ADAMTSL1: variants seen among roughly 807,000 people sequenced by gnomAD.
The protein encoded by ADAMTSL1 is ADAMTS like 1, also known as ADAMTS-like protein 1.
ADAMTSL1 carries 126 observed loss-of-function variants against 201.8 expected under a neutral mutation model. The observed-to-expected ratio is 0.62, with a 90% CI of 0.54 to 0.72. The LOEUF (loss-of-function observed/expected upper bound fraction) is 0.72, where lower values mean the gene tolerates loss of function less well. Among genes scored for constraint, ADAMTSL1 ranks in the 30% least tolerant of loss-of-function variants. The probability of loss-of-function intolerance (pLI) is 0.00; values close to 1 mark genes in which losing one functional copy is unlikely to be tolerated. For missense variants in ADAMTSL1, 2,679 were observed against 2,277.8 expected (o/e 1.18, Z -3.59); for synonymous variants, 1,121 against 903.4 (o/e 1.24, Z -4.32).
intron 1 of ADAMTSL1, among the ~76,000 whole-genome samples, chr9:18,115,209 G>A (rs1825199055): frequency 6.6e-6 from 1 of 152,040 alleles, no homozygotes; most frequent in Admixed American, 6.6e-5. Flanking sequence ...AAATCCTATT[G>A]AACATCTTTT....
At chr9:17,939,241 C>A (rs1827133522) in intron 1 of ADAMTSL1, among the ~76,000 whole-genome samples, 1 of 151,832 alleles carries the variant, frequency 6.6e-6, no homozygotes, top group Admixed American at 6.6e-5. Context: ...TAAACTATTT[C>A]TTTTAGCATG....
At chr9:18,215,294 TAAC>T (rs1236072744) in intron 2 of ADAMTSL1, among the ~76,000 whole-genome samples, 3 of 152,208 alleles carry the variant, frequency 2.0e-5, no homozygotes, top group African/African-American at 7.2e-5. Flanking sequence ...GAAAATAATC[TAAC>T]AACTATGATG....
Position 18,121,150 on chromosome 9 carries a change from G to A in ADAMTSL1, c.88-42712G>A, listed in dbSNP as rs183566087. On this transcript the variant is annotated intron_variant, in intron 1 of 29. Transcript: ENST00000680146. Reference sequence around the variant, plus strand: ...CAGTTGGCTCTAGGAAAAAGAAATCGTTTTGAAAATCATCAACTGGTATTT... The same window carrying A: ...CAGTTGGCTCTAGGAAAAAGAAATCATTTTGAAAATCATCAACTGGTATTT... Among the ~76,000 whole-genome samples the A allele has an allele frequency of 1.7e-4, 26 of 152,216 alleles. No individual in the cohort carries two copies. The East Asian group carries it at 3.3e-3, about 19-fold the overall frequency.
intron 1 of ADAMTSL1, among the ~76,000 whole-genome samples, chr9:18,484,135 G>A (rs1821869776): frequency 6.6e-6 from 1 of 152,192 alleles, no homozygotes; most frequent in Non-Finnish European, 1.5e-5. Flanking sequence ...TATATATCAG[G>A]CACTGTGCTA....
At chr9:17,935,706 A>T (rs1051870567) in intron 1 of ADAMTSL1, among the ~76,000 whole-genome samples, 6 of 152,184 alleles carry the variant, frequency 3.9e-5, no homozygotes, top group African/African-American at 1.4e-4. Flanking sequence ...TAATAGCAAT[A>T]CCTCTAGCTG....
At chr9:18,858,109 T>C (rs1009460412) in intron 23 of ADAMTSL1, among the ~76,000 whole-genome samples, 4 of 152,132 alleles carry the variant, frequency 2.6e-5, no homozygotes, top group Admixed American at 6.5e-5. Context: ...ACTAATATAA[T>C]CATTTCTATA....
intron 20 of ADAMTSL1, among the ~76,000 whole-genome samples, chr9:18,813,662 A>G (rs966831059): frequency 6.6e-5 from 10 of 152,084 alleles, no homozygotes; most frequent in African/African-American, 2.2e-4. Context: ...TTGTTTGTTG[A>G]TTTTAAATCC....
chr9:18,906,538 T>C (rs552314489), intron 27 of ADAMTSL1, among the ~76,000 whole-genome samples, 154 bp from the exon 28 acceptor site: 1 of 152,330 alleles, frequency 6.6e-6, no homozygotes, highest in East Asian at 1.9e-4. Flanking sequence ...TATGGCCTTT[T>C]AGTAACAGCA....
At chr9:18,686,514 G>C (rs1830848631) in intron 13 of ADAMTSL1, among the ~76,000 whole-genome samples, 1 of 152,166 alleles carries the variant, frequency 6.6e-6, no homozygotes, top group Admixed American at 6.5e-5. Context: ...TCTTAATCCA[G>C]TAAGGTCCTA....
chr9:18,130,249 G>C (rs1825895592), intron 1 of ADAMTSL1, among the ~76,000 whole-genome samples: 1 of 152,148 alleles, frequency 6.6e-6, no homozygotes, highest in South Asian at 2.1e-4. Flanking sequence ...AAGACAGGAA[G>C]CACCATACCT....
At chr9:18,028,719 G>A (rs895235817) in intron 1 of ADAMTSL1, among the ~76,000 whole-genome samples, 28 of 152,062 alleles carry the variant, frequency 1.8e-4, no homozygotes, top group African/African-American at 6.5e-4. Flanking sequence ...TGTTCTTTTG[G>A]CTTAGGATTG....
intron 2 of ADAMTSL1, among the ~76,000 whole-genome samples, chr9:18,421,633 A>G (rs1818954218): frequency 6.6e-6 from 1 of 152,254 alleles, no homozygotes. Flanking sequence ...AGATACCAGC[A>G]GTAGCACTGA....
At chr9:18,533,432 C>A in intron 3 of ADAMTSL1, 140 bp downstream of exon 3, 1 of 510,722 alleles carries the variant, frequency 2.0e-6, no homozygotes, top group Non-Finnish European at 3.2e-6. Context: ...TGATTATATG[C>A]AGGACTAAAA....
intron 26 of ADAMTSL1, among the ~76,000 whole-genome samples, chr9:18,893,214 A>G (rs1248927902): frequency 2.0e-5 from 3 of 152,142 alleles, no homozygotes; most frequent in African/African-American, 4.8e-5. Context: ...CCTGCTTCTC[A>G]TAGGTCACAT....
rs368727223 is a variant in ADAMTSL1 at position 17,942,816 on chromosome 9, T to C, written c.87+35894T>C. On this transcript the variant is annotated intron_variant, in intron 1 of 29. Coordinates refer to the ADAMTSL1 transcript ENST00000680146. The stretch of plus-strand genomic sequence containing the variant: ...AGGTACCTTGTAGTCTCAATAAATA[T>C]AGGATTTCTTTTTACCAACTGGTAT... Among the ~76,000 whole-genome samples the C allele has an allele frequency of 1.3e-3, 204 of 152,322 alleles. 2 individuals are homozygous for C. The highest frequency in any genetic ancestry group is 6.8e-3 in the Middle Eastern group (2 of 294).
At chr9:18,180,128 C>G (rs553694474) in intron 2 of ADAMTSL1, among the ~76,000 whole-genome samples, 58 of 152,214 alleles carry the variant, frequency 3.8e-4, no homozygotes, top group Admixed American at 1.6e-3. Flanking sequence ...ATTCAGGAAA[C>G]CCATCTCACG....
At chr9:18,133,853 G>A (rs946794999) in intron 1 of ADAMTSL1, among the ~76,000 whole-genome samples, 1 of 152,142 alleles carries the variant, frequency 6.6e-6, no homozygotes, top group African/African-American at 2.4e-5. Flanking sequence ...ACTCTAATGG[G>A]CAACTAGAAT....
At chr9:18,262,628 T>C (rs1252942784) in intron 2 of ADAMTSL1, among the ~76,000 whole-genome samples, 9 of 152,140 alleles carry the variant, frequency 5.9e-5, no homozygotes, top group Admixed American at 2.0e-4. Context: ...TGGTTTGGTA[T>C]AATTCAGAGA....
chr9:18,340,619 AC>A (rs1166962437), intron 2 of ADAMTSL1, among the ~76,000 whole-genome samples: 1 of 152,022 alleles, frequency 6.6e-6, no homozygotes, highest in Non-Finnish European at 1.5e-5. Flanking sequence ...TGTGGGAGGG[AC>A]CAGGTGGGAG....
Sources: gnomAD v4.1 joint callset for allele counts (sites outside exome capture counted in the v4.1 genomes callset) on GRCh38, gnomAD v4.1.1 for gene constraint, MANE v1.5 for transcripts, NCBI Gene and HGNC (gene_info 2026-07-23, HGNC 2026-07-21) for gene names.